RTN1: variants seen among roughly 807,000 people sequenced by gnomAD.
RTN1 encodes reticulon-1.
RTN1 carries 25 observed loss-of-function variants against 65.5 expected under a neutral mutation model. That is an observed-to-expected ratio of 0.38 (90% confidence interval 0.28 to 0.53). The LOEUF (loss-of-function observed/expected upper bound fraction) is 0.53, where lower values mean the gene tolerates loss of function less well. Among genes scored for constraint, RTN1 ranks in the 20% least tolerant of loss-of-function variants. The pLI is 0.79. For synonymous variants in RTN1, 471 were observed against 447.6 expected, an observed-to-expected ratio of 1.05 and a Z score of -0.66; for missense variants, 983 against 1,025.4, an observed-to-expected ratio of 0.96 and a Z score of 0.57.
chr14:59,686,259 C>A (rs998736444), intron 3 of RTN1, among the ~76,000 whole-genome samples: 2 of 151,882 alleles, frequency 1.3e-5, no homozygotes, highest in African/African-American at 4.8e-5. Context: ...CTGGCCTGGG[C>A]GATTATTTTT....
intron 1 of RTN1, among the ~76,000 whole-genome samples, chr14:59,781,297 T>C (rs1032015289): frequency 1.3e-5 from 2 of 152,054 alleles, no homozygotes; most frequent in African/African-American, 2.4e-5. Context: ...ATAACTTTAT[T>C]GTAGAATTTA....
intron 1 of RTN1, among the ~76,000 whole-genome samples, chr14:59,759,382 C>T (rs937870601): frequency 4.6e-5 from 7 of 152,036 alleles, no homozygotes; most frequent in African/African-American, 7.2e-5. Flanking sequence ...GACCCTGGAC[C>T]GATTACCTAA....
intron 3 of RTN1, among the ~76,000 whole-genome samples, chr14:59,696,318 C>T (rs559616526): frequency 3.3e-5 from 5 of 152,262 alleles, no homozygotes; most frequent in East Asian, 3.9e-4. Context: ...GCATAATTAC[C>T]TTGGTGTCTT....
chr14:59,772,285 G>A (rs1263752223), intron 1 of RTN1, among the ~76,000 whole-genome samples: 1 of 151,956 alleles, frequency 6.6e-6, no homozygotes, highest in African/African-American at 2.4e-5. Context: ...TTTTAAATTT[G>A]AATGTATTAT....
chr14:59,803,940 G>A lies in RTN1; in HGVS notation c.242-57459C>T, dbSNP rs1886591647. Among the ~76,000 whole-genome samples, 1 of 152,222 alleles carries A rather than the reference G, an allele frequency of 6.6e-6. No homozygotes were observed. Among genetic ancestry groups the A allele is most frequent in the Non-Finnish European group, 1.5e-5 (1 of 68,036 alleles). On this transcript the variant is annotated intron_variant, in intron 1 of 8. Transcript: ENST00000267484. The surrounding 1 kb of genome is among the most constrained non-coding windows in gnomAD (Gnocchi z 5.6). ...GGTTTACATAAAAGTTGTGGAAATT[G>A]TACAAAGCATTCCCACATGCTGTAC...
chr14:59,737,938 C>T (rs1006133131), intron 2 of RTN1, among the ~76,000 whole-genome samples: 2 of 152,166 alleles, frequency 1.3e-5, no homozygotes, highest in African/African-American at 2.4e-5. Flanking sequence ...ATAAATGGTG[C>T]TGGGATAACT....
intron 3 of RTN1, among the ~76,000 whole-genome samples, chr14:59,668,898 C>T (rs1418208265): frequency 6.6e-6 from 1 of 152,082 alleles, no homozygotes; most frequent in Admixed American, 6.6e-5. Flanking sequence ...ATCAGAACCA[C>T]AATGAGATGC....
At chr14:59,788,478 T>C (rs1886291559) in intron 1 of RTN1, among the ~76,000 whole-genome samples, 1 of 152,204 alleles carries the variant, frequency 6.6e-6, no homozygotes, top group Non-Finnish European at 1.5e-5. Context: ...ATAATCATAA[T>C]ATTTGTTTTT....
At chr14:59,780,539 A>G (rs1325515965) in intron 1 of RTN1, among the ~76,000 whole-genome samples, 1 of 152,226 alleles carries the variant, frequency 6.6e-6, no homozygotes, top group Admixed American at 6.5e-5. Flanking sequence ...TCAAGAAAAA[A>G]TATGGAGCAT....
At chr14:59,700,206 C>T (rs1884148555) in intron 3 of RTN1, among the ~76,000 whole-genome samples, 1 of 152,014 alleles carries the variant, frequency 6.6e-6, no homozygotes, top group Admixed American at 6.6e-5. Flanking sequence ...ATGACAACTA[C>T]AACATGTTGT....
At chr14:59,726,347 C>T (rs1200174714) in intron 3 of RTN1, among the ~76,000 whole-genome samples, 2 of 152,136 alleles carry the variant, frequency 1.3e-5, no homozygotes, top group African/African-American at 4.8e-5. Flanking sequence ...CAAGAGAAAA[C>T]TCTGGACCCA....
Position 59,784,073 on chromosome 14 carries a change from C to CT in RTN1, c.242-37593dup. Reference sequence around the variant, plus strand: ...GCAAAGTTTCTATTAGGTCATTTGTCTTTTTTTATATTACTGTCTTGGAAC... The same window carrying CT: ...GCAAAGTTTCTATTAGGTCATTTGTCTTTTTTTTATATTACTGTCTTGGAAC... On this transcript the variant is annotated intron_variant, in intron 1 of 8. Coordinates refer to ENST00000267484, the MANE Select transcript of RTN1 (RefSeq NM_021136.3). Among the ~76,000 whole-genome samples, 2 of 152,162 alleles carry CT rather than the reference C, an allele frequency of 1.3e-5. 1 individual carries two copies. The highest frequency in any genetic ancestry group is 6.8e-3 in the Middle Eastern group (2 of 294).
At chr14:59,625,704 C>T (rs1882377751) in intron 3 of RTN1, among the ~76,000 whole-genome samples, 1 of 152,064 alleles carries the variant, frequency 6.6e-6, no homozygotes, top group African/African-American at 2.4e-5. Context: ...TTTATTTGAA[C>T]TTCTCTTTGT....
At chr14:59,611,141 CCT>C (rs1477297571) in intron 3 of RTN1, among the ~76,000 whole-genome samples, 3 of 152,186 alleles carry the variant, frequency 2.0e-5, no homozygotes, top group Non-Finnish European at 2.9e-5. Context: ...TTGCAATTCC[CCT>C]GTCTTGATGA....
At chr14:59,754,132 A>T (rs538922343) in intron 1 of RTN1, among the ~76,000 whole-genome samples, 1 of 152,316 alleles carries the variant, frequency 6.6e-6, no homozygotes, top group Admixed American at 6.5e-5. Context: ...ACAGGCCACT[A>T]TTTCTAGTCA....
chr14:59,839,466 A>G (rs1887271157), intron 1 of RTN1, among the ~76,000 whole-genome samples: 1 of 152,194 alleles, frequency 6.6e-6, no homozygotes, highest in Non-Finnish European at 1.5e-5. Context: ...AGGAATATTA[A>G]GCATTGATAA....
intron 3 of RTN1, among the ~76,000 whole-genome samples, chr14:59,643,915 T>A (rs1882836076): frequency 6.6e-6 from 1 of 152,066 alleles, no homozygotes; most frequent in Non-Finnish European, 1.5e-5. Flanking sequence ...AAACTTACTA[T>A]GACTAGGTCT....
intron 1 of RTN1, among the ~76,000 whole-genome samples, chr14:59,845,506 T>C (rs1056962090): frequency 1.3e-5 from 2 of 152,152 alleles, no homozygotes; most frequent in Non-Finnish European, 2.9e-5. Flanking sequence ...AATGTGGAAG[T>C]CTCCTTAACC....
chr14:59,678,467 A>G (rs145026251), intron 3 of RTN1, among the ~76,000 whole-genome samples: 47 of 152,134 alleles, frequency 3.1e-4, no homozygotes, highest in Non-Finnish European at 5.9e-4. Flanking sequence ...TCTACAGACA[A>G]CTCTTACTGA....
Sources: gnomAD v4.1 joint callset for allele counts (sites outside exome capture counted in the v4.1 genomes callset) on GRCh38, gnomAD v4.1.1 for gene constraint, Gnocchi (gnomAD v3.1) non-coding constraint, MANE v1.5 for transcripts, NCBI Gene and HGNC (gene_info 2026-07-23, HGNC 2026-07-21) for gene names.